Variants in CYSTM1 observed in about 807,000 individuals in gnomAD.
CYSTM1 encodes cysteine rich transmembrane module containing 1, also known as cysteine-rich transmembrane module-containing protein 1.
CYSTM1 carries 4 observed loss-of-function variants against 13.1 expected under a neutral mutation model. That is an observed-to-expected ratio of 0.31 (90% confidence interval 0.15 to 0.70). The LOEUF (loss-of-function observed/expected upper bound fraction) is 0.70, where lower values mean the gene tolerates loss of function less well. CYSTM1 is among the 30% of genes least tolerant of loss of function. The pLI is 0.72. For synonymous variants in CYSTM1, 36 were observed against 42.7 expected (o/e 0.84, Z 0.62); for missense variants, 96 against 121.6 (o/e 0.79, Z 0.99).
chr5:140,226,382 A>T (rs1223268990), intron 2 of CYSTM1, among the ~76,000 whole-genome samples: 10 of 148,032 alleles, frequency 6.8e-5, no homozygotes, highest in Non-Finnish European at 1.5e-4. Context: ...TAATCCCAGC[A>T]CTTTGGGAGG....
intron 2 of CYSTM1, among the ~76,000 whole-genome samples, chr5:140,236,905 C>T (rs1764686782): frequency 6.6e-6 from 1 of 152,220 alleles, no homozygotes; most frequent in Non-Finnish European, 1.5e-5. Context: ...TGTAGAGTAA[C>T]ATGGTCTTTA....
At position 140,239,066 on chromosome 5, in the gene CYSTM1, TTC is replaced by T. The variant is rs764175551; in HGVS notation, c.188-4237_188-4236del. On this transcript the variant is annotated intron_variant, in intron 2 of 2. Coordinates refer to ENST00000261811, the MANE Select transcript of CYSTM1 (RefSeq NM_032412.4). The surrounding 1 kb of genome is among the most constrained non-coding windows in gnomAD (Gnocchi z 5.4). ...AGAACCCTCTGGGAGGCTCTGGTCT[TTC>T]TGTTTGCCTTTCCCGCCTAGCTCTC... Among the ~76,000 whole-genome samples the T allele has an allele frequency of 1.4e-4, 22 of 152,160 alleles. No individual in the cohort carries two copies. Among genetic ancestry groups the T allele is most frequent in the Non-Finnish European group, 3.2e-4 (22 of 68,012 alleles).
chr5:140,180,814 C>A lies in CYSTM1; in HGVS notation c.-21+5529C>A, dbSNP rs1207385902. 3.9e-5 allele frequency among the ~76,000 whole-genome samples: 6 copies of A among 152,088 alleles called. 1 individual carries two copies. In the East Asian group the frequency reaches 1.2e-3, roughly 29 times the overall value. On this transcript the variant is annotated intron_variant, in intron 1 of 2. Coordinates refer to ENST00000261811, the MANE Select transcript of CYSTM1 (RefSeq NM_032412.4). ...GATTTATATTTTTCTAAACTCTTTT[C>A]ATTAAATGGTTTAAGGGAGAATATT...
intron 1 of CYSTM1, among the ~76,000 whole-genome samples, chr5:140,191,237 A>G (rs1379525576): frequency 6.6e-6 from 1 of 152,194 alleles, no homozygotes; most frequent in Non-Finnish European, 1.5e-5. Context: ...TATTCCTCCA[A>G]GATAACTGTC....
intron 2 of CYSTM1, among the ~76,000 whole-genome samples, chr5:140,240,172 A>ACCCC (rs56979453): frequency 2.0e-5 from 3 of 150,508 alleles, no homozygotes; most frequent in African/African-American, 7.4e-5. Flanking sequence ...CCATCCCAGC[A>ACCCC]CCCCCCCACT....
chr5:140,226,611 T>A (rs1323608480), intron 2 of CYSTM1, among the ~76,000 whole-genome samples: 12 of 102,588 alleles, frequency 1.2e-4, no homozygotes, highest in Middle Eastern at 4.8e-3. Context: ...TATATATATA[T>A]AAAAATTAGC....
rs1764725207 is a variant in CYSTM1 at position 140,239,797 on chromosome 5, A to AG, written c.188-3508_188-3507insG. Among the ~76,000 whole-genome samples the AG allele has an allele frequency of 8.5e-5, 13 of 152,138 alleles. No homozygotes were observed. The highest frequency in any genetic ancestry group is 4.6e-4 in the Admixed American group (7 of 15,282). On this transcript the variant is annotated intron_variant, in intron 2 of 2. Coordinates refer to ENST00000261811, the MANE Select transcript of CYSTM1 (RefSeq NM_032412.4). This position sits in a 1 kb window ranked among gnomAD's most constrained non-coding sequence, Gnocchi z 5.4. ...GCTGAGAATACTGAGGGTTGATTCA[A>AG]AGGGCTGACTGCGGGCAAGAGAGGC... is the stretch of plus-strand genomic sequence containing the variant.
At chr5:140,190,041 T>C (rs771873016) in intron 1 of CYSTM1, among the ~76,000 whole-genome samples, 12 of 152,244 alleles carry the variant, frequency 7.9e-5, no homozygotes, top group Non-Finnish European at 1.6e-4. Context: ...CCTTTTCTTT[T>C]GTGAATTACG....
intron 1 of CYSTM1, among the ~76,000 whole-genome samples, chr5:140,189,254 A>G (rs1342403320): frequency 2.6e-5 from 4 of 152,146 alleles, no homozygotes; most frequent in African/African-American, 9.7e-5. Context: ...TCTTTATGGT[A>G]ATGAATGAGT....
Position 140,230,225 on chromosome 5 carries a change from C to T in CYSTM1, c.188-13080C>T, listed in dbSNP as rs28652773. Among the ~76,000 whole-genome samples, 5,657 of 152,220 alleles carry T rather than the reference C, an allele frequency of 0.037. 369 individuals are homozygous for T. Among genetic ancestry groups the T allele is most frequent in the African/African-American group, 0.13 (5,374 of 41,534 alleles). ...AGGATAAGATTCTAGTTTTCTTTTT[C>T]CATCTTGGTAGTTCCAGCTGCATGT... is the stretch of plus-strand genomic sequence containing the variant. On this transcript the variant is annotated intron_variant, in intron 2 of 2. Coordinates refer to ENST00000261811, the MANE Select transcript of CYSTM1 (RefSeq NM_032412.4). The surrounding 1 kb of genome is among the most constrained non-coding windows in gnomAD (Gnocchi z 4.1).
chr5:140,182,224 C>T (rs1322738355), intron 1 of CYSTM1, among the ~76,000 whole-genome samples: 2 of 152,316 alleles, frequency 1.3e-5, no homozygotes, highest in Non-Finnish European at 2.9e-5. Context: ...TGGGGCAATA[C>T]AGCCTTTACC....
chr5:140,228,057 T>C (rs902903090), intron 2 of CYSTM1, among the ~76,000 whole-genome samples: 2 of 152,220 alleles, frequency 1.3e-5, no homozygotes, highest in Non-Finnish European at 2.9e-5. Context: ...TAGTCTATTA[T>C]GTGGTGTGCT....
At chr5:140,190,603 C>A (rs1764084112) in intron 1 of CYSTM1, among the ~76,000 whole-genome samples, 1 of 152,152 alleles carries the variant, frequency 6.6e-6, no homozygotes, top group South Asian at 2.1e-4. Context: ...AAAAAAACAA[C>A]ATTGAAATAT....
At chr5:140,199,487 T>G (rs1262112580) in intron 2 of CYSTM1, among the ~76,000 whole-genome samples, 1 of 152,074 alleles carries the variant, frequency 6.6e-6, no homozygotes, top group Non-Finnish European at 1.5e-5. Flanking sequence ...TGACTTTTTA[T>G]TGTTTTTGTT....
At chr5:140,233,534 A>G (rs756435903) in intron 2 of CYSTM1, among the ~76,000 whole-genome samples, 18 of 152,208 alleles carry the variant, frequency 1.2e-4, no homozygotes, top group Non-Finnish European at 1.3e-4. Context: ...TTTCTGGATC[A>G]TATGGTAGGC....
chr5:140,177,758 G>T (rs1171887124), intron 1 of CYSTM1, among the ~76,000 whole-genome samples: 1 of 152,142 alleles, frequency 6.6e-6, no homozygotes, highest in African/African-American at 2.4e-5. Context: ...AAGGGGCTTT[G>T]CAGGAGCTTG....
At chr5:140,222,971 ACT>A in intron 2 of CYSTM1, among the ~76,000 whole-genome samples, 1 of 152,348 alleles carries the variant, frequency 6.6e-6, no homozygotes, top group East Asian at 1.9e-4. Context: ...TCTTCTGGAC[ACT>A]GTACATATCC....
At chr5:140,182,662 C>T (rs543186797) in intron 1 of CYSTM1, among the ~76,000 whole-genome samples, 4 of 151,112 alleles carry the variant, frequency 2.6e-5, no homozygotes, top group Non-Finnish European at 4.4e-5. Flanking sequence ...ATAACCCAAA[C>T]TACTTTGAGT....
At position 140,219,746 on chromosome 5, in the gene CYSTM1, T is replaced by C. The variant is rs1159868164; in HGVS notation, c.188-23559T>C. Among the ~76,000 whole-genome samples, 2 of 152,244 alleles carry C rather than the reference T, an allele frequency of 1.3e-5. No homozygotes were observed. The highest frequency in any genetic ancestry group is 2.4e-5 in the African/African-American group (1 of 41,468). ...CGTTTTATGTTCATTAAAAATGATA[T>C]GGCAGTGTTTACCTTCTTAGAAAAT... On this transcript the variant is annotated intron_variant, in intron 2 of 2. Transcript: ENST00000261811. This position sits in a 1 kb window ranked among gnomAD's most constrained non-coding sequence, Gnocchi z 4.1.
Sources: allele counts gnomAD v4.1 joint callset (sites outside exome capture counted in the v4.1 genomes callset), GRCh38; gene constraint gnomAD v4.1.1; non-coding constraint Gnocchi (gnomAD v3.1); transcripts MANE v1.5; gene names NCBI Gene and HGNC (gene_info 2026-07-23, HGNC 2026-07-21).